Variants in HEPN1 observed in about 807,000 individuals in gnomAD.
HEPN1 encodes the protein hepatocellular carcinoma, down-regulated 1, also known as protein HEPN1.
For synonymous variants in HEPN1, 46 were observed against 41.2 expected, an observed-to-expected ratio of 1.12 and a Z score of -0.45; for missense variants, 97 against 103.3, an observed-to-expected ratio of 0.94 and a Z score of 0.26.
At chr11:124,920,139 C>T in exon 1 of HEPN1, 1 of 1,120,266 alleles carries the variant, frequency 8.9e-7, no homozygotes, top group Non-Finnish European at 1.3e-6. Flanking sequence ...AATAAGCCTC[C>T]TCCTCCCCCC....
In HEPN1 at chr11:124,919,340, C is replaced by T. The variant is rs2135392540; in HGVS notation, c.-411C>T. 4.8e-6 allele frequency: 1 copy of T among 206,918 alleles called. No individual in the cohort carries two copies. Among genetic ancestry groups the T allele is most frequent in the Non-Finnish European group, 9.7e-6 (1 of 103,514 alleles). 12.8% of individuals were successfully genotyped at this position (206,918 alleles called of 1,614,324 possible). ...GATGAAGATGAAAACAACACAAAAA[C>T]AAACCCCACTTCCTTACTTACCCCT... On this transcript the variant is annotated 5_prime_UTR_variant, in exon 1 of 1. An upstream open reading frame in the 5' UTR gains an earlier in-frame stop. Coordinates refer to ENST00000408930, the Ensembl canonical transcript of HEPN1.
In HEPN1 at chr11:124,920,308, G is replaced by C. The variant is rs367649640; in HGVS notation, c.*291G>C. The stretch of plus-strand genomic sequence containing the variant: ...CAGTTCCTCATTTGGTCTAGTTTTC[G>C]GGCCAGGGGAGTAAGTGAAATTCAC... On this transcript the variant is annotated 3_prime_UTR_variant, in exon 1 of 1. Coordinates refer to ENST00000408930, the Ensembl canonical transcript of HEPN1. The C allele has an allele frequency of 1.1e-5, 14 of 1,296,546 alleles. No homozygotes were observed. In the East Asian group the frequency reaches 1.5e-4, roughly 14 times the overall value. 80.3% of individuals were successfully genotyped at this position (1,296,546 alleles called of 1,614,324 possible).
exon 1 of HEPN1, chr11:124,920,107 T>C: frequency 7.1e-7 from 1 of 1,415,588 alleles, no homozygotes. Context: ...TTGGATCATG[T>C]TCCCCCCAAA....
chr11:124,920,151 C>T (rs907530090), exon 1 of HEPN1: 2 of 1,053,522 alleles, frequency 1.9e-6, no homozygotes, highest in Non-Finnish European at 1.4e-6. Flanking sequence ...CCTCCCCCCA[C>T]CATTTCTCTG....
exon 1 of HEPN1, chr11:124,920,592 T>G (rs1342556161): frequency 6.2e-6 from 7 of 1,126,734 alleles, no homozygotes; most frequent in Non-Finnish European, 6.6e-6. Context: ...GAACAGCCCC[T>G]GCACACCCAG....
exon 1 of HEPN1, chr11:124,919,779 C>T (rs1470335860): frequency 1.2e-6 from 2 of 1,614,086 alleles, no homozygotes; most frequent in Non-Finnish European, 1.7e-6. Context: ...GGAATTGCTC[C>T]ATGGGTTGAT....
exon 1 of HEPN1, chr11:124,919,902 C>T (rs1219801155): frequency 6.2e-7 from 1 of 1,614,010 alleles, no homozygotes; most frequent in Non-Finnish European, 8.5e-7. Flanking sequence ...TTTTTAATTG[C>T]CCTCTCTCCT....
rs1336841545 is a variant in HEPN1 at position 124,919,882 on chromosome 11, C to T, written c.132C>T (p.Phe44=). ...AATGGAATACACAGAGGGCCTCCTT[C>T]TCTTTCAGCTTTTTAATTGCCCTCT... The change falls in exon 1 of 1, where the codon TTC becomes TTT. Residue 44 remains phenylalanine (F), a synonymous_variant. Coordinates refer to ENST00000408930, the Ensembl canonical transcript of HEPN1. 3 of 1,614,174 alleles carry T rather than the reference C, an allele frequency of 1.9e-6. No individual in the cohort carries two copies. In the East Asian group the frequency reaches 6.7e-5, roughly 36 times the overall value.
At chr11:124,920,180 C>T (rs1462047503) in exon 1 of HEPN1, 9 of 922,792 alleles carry the variant, frequency 9.8e-6, no homozygotes, top group Non-Finnish European at 1.5e-5. Flanking sequence ...GACTTATTCT[C>T]ACAGCTGGAG....
chr11:124,919,896 T>C lies in HEPN1; in HGVS notation c.146T>C (p.Leu49Ser), dbSNP rs777210646. The change falls in exon 1 of 1, where the codon TTA becomes TCA. Residue 49 changes from leucine (L) to serine (S), a missense_variant. By Grantham distance (145) the Leu-to-Ser change is moderately radical. Transcript: ENST00000408930. The stretch of plus-strand genomic sequence containing the variant: ...AGGGCCTCCTTCTCTTTCAGCTTTT[T>C]AATTGCCCTCTCTCCTCACACAGTA... 4 of 1,614,036 alleles carry C rather than the reference T, an allele frequency of 2.5e-6. No homozygotes were observed. The South Asian group carries it at 3.3e-5, about 13-fold the overall frequency.
Position 124,919,805 on chromosome 11 carries a change from G to A in HEPN1, c.55G>A (p.Glu19Lys), listed in dbSNP as rs572317793. ...ATGGGTTGATGGCGAATCAGAGCTGGAGTTTAGGAGACTAGGGATGCAAGG... is the reference window on the plus strand; with the variant it reads ...ATGGGTTGATGGCGAATCAGAGCTGAAGTTTAGGAGACTAGGGATGCAAGG... The change falls in exon 1 of 1, where the codon GAG (glutamate) becomes AAG (lysine). Residue 19 changes from glutamate (E) to lysine (K), a missense_variant. Physicochemically the swap from Glu to Lys is moderately conservative, Grantham distance 56. Coordinates refer to ENST00000408930, the Ensembl canonical transcript of HEPN1. 7.4e-6 allele frequency: 12 copies of A among 1,614,196 alleles called. No homozygotes were observed. The East Asian group carries it at 2.0e-4, about 27-fold the overall frequency.
exon 1 of HEPN1, chr11:124,919,847 A>C (rs1310454363): frequency 6.2e-7 from 1 of 1,609,756 alleles, no homozygotes; most frequent in Non-Finnish European, 8.5e-7. Context: ...GGAGGCATTA[A>C]GGAGGAGGGA....
At chr11:124,920,511 TCAC>T (rs1250964973) in exon 1 of HEPN1, 2 of 1,468,716 alleles carry the variant, frequency 1.4e-6, no homozygotes, top group Non-Finnish European at 1.8e-6. Flanking sequence ...TACCCTTCCC[TCAC>T]CACCTTGTAG....
In HEPN1 at chr11:124,919,619, C is replaced by A; in HGVS notation, c.-132C>A. The A allele has an allele frequency of 9.6e-7, 1 of 1,045,416 alleles. No individual in the cohort carries two copies. 64.8% of individuals were successfully genotyped at this position (1,045,416 alleles called of 1,614,324 possible). On this transcript the variant is annotated 5_prime_UTR_variant, in exon 1 of 1. An upstream open reading frame in the 5' UTR gains an earlier in-frame stop. Coordinates refer to ENST00000408930, the Ensembl canonical transcript of HEPN1. Reference sequence around the variant, plus strand: ...GGGGAGCTGCGAAGGCACACCTGCTCAAATGAGCCTGGGGAAGTGCCGAGG... The same window carrying A: ...GGGGAGCTGCGAAGGCACACCTGCTAAAATGAGCCTGGGGAAGTGCCGAGG...
chr11:124,920,174 T>G (rs2135393889), exon 1 of HEPN1: 1 of 939,554 alleles, frequency 1.1e-6, no homozygotes, highest in East Asian at 2.5e-5. Context: ...GATTAGGACT[T>G]ATTCTCACAG....
exon 1 of HEPN1, chr11:124,919,731 C>A (rs1203820115): frequency 6.2e-7 from 1 of 1,611,256 alleles, no homozygotes; most frequent in Non-Finnish European, 8.5e-7. Context: ...TGAGACAAAA[C>A]TTGACCTGGT....
exon 1 of HEPN1, chr11:124,919,542 C>G: frequency 6.7e-6 from 4 of 595,688 alleles, no homozygotes; most frequent in Non-Finnish European, 1.2e-5. Flanking sequence ...TCTTGAGAAA[C>G]TTTTCCCCTA....
chr11:124,920,412 G>A (rs1290744747), exon 1 of HEPN1: 12 of 1,548,368 alleles, frequency 7.8e-6, no homozygotes, highest in African/African-American at 1.4e-5. Flanking sequence ...GCATGCCTCC[G>A]AGGGAGGCTG....
chr11:124,919,963 T>A, exon 1 of HEPN1: 2 of 1,613,804 alleles, frequency 1.2e-6, no homozygotes, highest in Non-Finnish European at 1.7e-6. Context: ...GGCGGTGGCA[T>A]GGGCATGTCC....
Sources: allele counts gnomAD v4.1 joint callset, GRCh38; gene constraint gnomAD v4.1.1; transcripts MANE v1.5; gene names NCBI Gene and HGNC (gene_info 2026-07-23, HGNC 2026-07-21).